The following DENND1B variants were observed in gnomAD, a reference collection of about 807,000 sequenced individuals.
The protein encoded by DENND1B is DENN domain-containing protein 1B.
DENND1B carries 59 observed loss-of-function variants against 90.1 expected under a neutral mutation model. That is an observed-to-expected ratio of 0.65 (90% CI 0.53 to 0.81). The LOEUF (loss-of-function observed/expected upper bound fraction) is 0.81, where lower values mean the gene tolerates loss of function less well. Among genes scored for constraint, DENND1B ranks in the 40% least tolerant of loss-of-function variants. The pLI is 0.00. For missense variants in DENND1B, 862 were observed against 912.6 expected, an observed-to-expected ratio of 0.94 and a Z score of 0.71; for synonymous variants, 337 against 324.6, an observed-to-expected ratio of 1.04 and a Z score of -0.41.
At chr1:197,692,802 G>A (rs1338062563) in intron 3 of DENND1B, among the ~76,000 whole-genome samples, 1 of 151,672 alleles carries the variant, frequency 6.6e-6, no homozygotes, top group Non-Finnish European at 1.5e-5. Flanking sequence ...GACATAGGTT[G>A]GGGCCTATAA....
At chr1:197,624,376 A>C (rs946609284) in intron 10 of DENND1B, among the ~76,000 whole-genome samples, 1 of 151,712 alleles carries the variant, frequency 6.6e-6, no homozygotes, top group Non-Finnish European at 1.5e-5. Context: ...CATGCCAAAA[A>C]AATGAATCTA....
intron 10 of DENND1B, among the ~76,000 whole-genome samples, chr1:197,636,160 T>C (rs1679772676): frequency 6.6e-6 from 1 of 152,018 alleles, no homozygotes; most frequent in African/African-American, 2.4e-5. Flanking sequence ...TCTGAAGGAT[T>C]AATTACATAT....
At chr1:197,599,002 G>A (rs1408904190) in intron 13 of DENND1B, among the ~76,000 whole-genome samples, 4 of 151,766 alleles carry the variant, frequency 2.6e-5, no homozygotes, top group African/African-American at 9.7e-5. Flanking sequence ...CCATCCATGG[G>A]AAGAATTATA....
At chr1:197,697,243 T>C (rs1172797607) in intron 3 of DENND1B, among the ~76,000 whole-genome samples, 2 of 151,700 alleles carry the variant, frequency 1.3e-5, no homozygotes, top group Non-Finnish European at 3.0e-5. Context: ...ATGTCACTGA[T>C]AGCAGGGGAT....
In DENND1B at chr1:197,752,800, G is replaced by A. The variant is rs557353569; in HGVS notation, c.82+20068C>T. Among the ~76,000 whole-genome samples the A allele has an allele frequency of 7.3e-5, 11 of 151,556 alleles. No homozygotes were observed. In the East Asian group the frequency reaches 1.5e-3, roughly 21 times the overall value. On this transcript the variant is annotated intron_variant, in intron 2 of 22. Transcript: ENST00000620048. Reference sequence around the variant, plus strand: ...TATCCTTCCCCCTCCCCGACCCCACGACAGGCCCCGGTGTGTGATGTTCCC... The same window carrying A: ...TATCCTTCCCCCTCCCCGACCCCACAACAGGCCCCGGTGTGTGATGTTCCC...
intron 2 of DENND1B, among the ~76,000 whole-genome samples, chr1:197,748,114 T>C (rs982241736): frequency 5.3e-5 from 8 of 152,136 alleles, no homozygotes; most frequent in Non-Finnish European, 8.8e-5. Flanking sequence ...AAAGATCTAA[T>C]TGGTCCATCA....
intron 5 of DENND1B, among the ~76,000 whole-genome samples, chr1:197,659,496 TC>T (rs1396099480): frequency 6.6e-6 from 1 of 151,990 alleles, no homozygotes; most frequent in Non-Finnish European, 1.5e-5. Context: ...CTTTAAAATA[TC>T]TACCCAACTC....
intron 3 of DENND1B, among the ~76,000 whole-genome samples, chr1:197,697,759 G>T (rs984299280): frequency 1.3e-5 from 2 of 151,980 alleles, no homozygotes; most frequent in African/African-American, 4.8e-5. Flanking sequence ...AAAAAGCAGG[G>T]ATTGTAGTCC....
intron 18 of DENND1B, 66 bp from the exon 19 acceptor site, chr1:197,541,081 C>T: frequency 1.5e-6 from 2 of 1,359,210 alleles, no homozygotes; most frequent in Non-Finnish European, 2.1e-6. Context: ...AATAAGTATA[C>T]AAGATCAAAT....
At position 197,509,478 on chromosome 1, in the gene DENND1B, T is replaced by G. The variant is rs1325160720; in HGVS notation, c.*982A>C. 1 of 151,798 alleles carries G rather than the reference T, an allele frequency of 6.6e-6. No homozygotes were observed. Among genetic ancestry groups the G allele is most frequent in the Non-Finnish European group, 1.5e-5 (1 of 67,830 alleles). The allele number at this position is 151,798 out of a possible 1,614,324, so 9.4% of individuals were successfully genotyped here. On this transcript the variant is annotated 3_prime_UTR_variant, in exon 23 of 23. Transcript: ENST00000620048. ...GTACCATAGTAACGTAAGATGTTAG[T>G]AACAGGGGTAGATGGGAACTCTCTG...
intron 15 of DENND1B, among the ~76,000 whole-genome samples, chr1:197,565,761 T>C (rs974164217): frequency 4.6e-5 from 7 of 150,844 alleles, no homozygotes; most frequent in African/African-American, 1.7e-4. Flanking sequence ...GTTCTTGCGA[T>C]AGTTTACTGA....
At chr1:197,555,871 A>T (rs1671671832) in intron 15 of DENND1B, among the ~76,000 whole-genome samples, 1 of 152,066 alleles carries the variant, frequency 6.6e-6, no homozygotes, top group Non-Finnish European at 1.5e-5. Context: ...GCCAAAGGAA[A>T]ATAAATAATT....
intron 18 of DENND1B, among the ~76,000 whole-genome samples, chr1:197,544,986 A>AGG (rs1558222617): frequency 1.5e-5 from 2 of 132,622 alleles, no homozygotes; most frequent in South Asian, 2.7e-4. Flanking sequence ...GAGGAAGGGG[A>AGG]AGAAGGAAGA....
chr1:197,542,197 C>G (rs995237472), intron 18 of DENND1B, among the ~76,000 whole-genome samples: 7 of 152,078 alleles, frequency 4.6e-5, no homozygotes, highest in African/African-American at 1.4e-4. Flanking sequence ...AACCGTTTAG[C>G]CAAATAAAAT....
At chr1:197,685,039 A>G (rs972031320) in intron 3 of DENND1B, among the ~76,000 whole-genome samples, 2 of 152,016 alleles carry the variant, frequency 1.3e-5, no homozygotes, top group African/African-American at 2.4e-5. Context: ...AATCGCTTGA[A>G]CCCAGGGGGC....
chr1:197,759,451 A>T (rs1257048415), intron 2 of DENND1B, among the ~76,000 whole-genome samples: 2 of 151,304 alleles, frequency 1.3e-5, no homozygotes, highest in Admixed American at 6.6e-5. Context: ...TATATTCAAG[A>T]TAAAAGTGAA....
At chr1:197,606,927 T>G (rs1201391590) in intron 13 of DENND1B, 146 bp downstream of exon 13, 4 of 620,084 alleles carry the variant, frequency 6.5e-6, no homozygotes, top group African/African-American at 5.7e-5. Context: ...AAATATTAAA[T>G]ATAGAATCAA....
intron 3 of DENND1B, among the ~76,000 whole-genome samples, chr1:197,699,043 C>T (rs775015052): frequency 2.6e-5 from 4 of 152,116 alleles, no homozygotes; most frequent in Non-Finnish European, 5.9e-5. Flanking sequence ...AGGAGGGACA[C>T]CTCCCTAACT....
At chr1:197,651,809 C>T (rs540971810) in intron 7 of DENND1B, among the ~76,000 whole-genome samples, 1 of 151,764 alleles carries the variant, frequency 6.6e-6, no homozygotes, top group African/African-American at 2.4e-5. Context: ...GCGCCTGCCA[C>T]CACGCCCGGC....
Sources: gnomAD v4.1 joint callset for allele counts (sites outside exome capture counted in the v4.1 genomes callset) on GRCh38, gnomAD v4.1.1 for gene constraint, MANE v1.5 for transcripts, NCBI Gene and HGNC (gene_info 2026-07-23, HGNC 2026-07-21) for gene names.